ATG7: variants seen among roughly 807,000 people sequenced by gnomAD.
ATG7 encodes the protein autophagy related 7.
A neutral mutation model predicts 82.4 loss-of-function variants in ATG7; 70 were observed. That is an observed-to-expected ratio of 0.85 (90% CI 0.70 to 1.04). The LOEUF (loss-of-function observed/expected upper bound fraction) is 1.04, where lower values mean the gene tolerates loss of function less well. Ranked by LOEUF, ATG7 falls within the 50% of genes least tolerant of loss-of-function variation. ATG7 has a pLI of 0.00. For missense variants in ATG7, 792 were observed against 864.3 expected, an observed-to-expected ratio of 0.92 and a Z score of 1.05; for synonymous variants, 287 against 313.0, an observed-to-expected ratio of 0.92 and a Z score of 0.88.
In ATG7 at chr3:11,308,972, T is replaced by A; in HGVS notation, c.334-12T>A. Reference sequence around the variant, plus strand: ...CTGGTAACCTGCCTTGATGCTTTTCTTCTTCTTGCAGATATGGGAATCCAT... The same window carrying A: ...CTGGTAACCTGCCTTGATGCTTTTCATCTTCTTGCAGATATGGGAATCCAT... On this transcript the variant is annotated splice_polypyrimidine_tract_variant and intron_variant, in intron 6 of 20. Coordinates refer to ENST00000693202, the MANE Select transcript of ATG7 (RefSeq NM_001349232.2). 1.2e-6 allele frequency: 2 copies of A among 1,611,674 alleles called. No homozygotes were observed. Among genetic ancestry groups the A allele is most frequent in the Non-Finnish European group, 1.7e-6 (2 of 1,177,722 alleles).
chr3:11,383,832 A>C (rs528694179), intron 19 of ATG7, among the ~76,000 whole-genome samples: 190 of 152,374 alleles, frequency 1.2e-3, no homozygotes, highest in African/African-American at 4.4e-3. Context: ...ACTACTACAG[A>C]AAATAAACCT....
chr3:11,348,137 C>T, intron 14 of ATG7, 102 bp downstream of exon 14: 1 of 1,439,920 alleles, frequency 6.9e-7, no homozygotes, highest in Non-Finnish European at 9.4e-7. Flanking sequence ...AGATATCTGT[C>T]ACTTTCTACC....
chr3:11,457,707 G>A (rs578039392), intron 20 of ATG7, among the ~76,000 whole-genome samples: 5 of 152,104 alleles, frequency 3.3e-5, no homozygotes, highest in African/African-American at 4.8e-5. Flanking sequence ...TGTGCCCCTC[G>A]CTTATGGGTG....
At chr3:11,378,432 C>T (rs949354312) in intron 18 of ATG7, among the ~76,000 whole-genome samples, 1 of 151,036 alleles carries the variant, frequency 6.6e-6, no homozygotes, top group Non-Finnish European at 1.5e-5. Flanking sequence ...CCCGTAACCC[C>T]AGCACTTTGG....
At chr3:11,472,163 A>T (rs1298789579) in intron 20 of ATG7, among the ~76,000 whole-genome samples, 2 of 152,204 alleles carry the variant, frequency 1.3e-5, no homozygotes, top group Non-Finnish European at 2.9e-5. Flanking sequence ...AACCTGAAAA[A>T]TTCATGGAGA....
intron 20 of ATG7, among the ~76,000 whole-genome samples, chr3:11,554,560 G>A (rs933051517): frequency 1.8e-4 from 28 of 152,208 alleles, no homozygotes; most frequent in Non-Finnish European, 2.9e-5. Flanking sequence ...CAGGAGGTGA[G>A]CAGAGGCACA....
chr3:11,485,230 G>T (rs1664997556), intron 20 of ATG7, among the ~76,000 whole-genome samples: 1 of 152,160 alleles, frequency 6.6e-6, no homozygotes, highest in Non-Finnish European at 1.5e-5. Flanking sequence ...TTTAATGATT[G>T]CCATTCTAAC....
chr3:11,280,191 C>T (rs993719101), intron 1 of ATG7, among the ~76,000 whole-genome samples: 14 of 152,176 alleles, frequency 9.2e-5, no homozygotes, highest in Non-Finnish European at 1.5e-4. Context: ...GGATTACAGG[C>T]GCCTGCCACC....
intron 20 of ATG7, among the ~76,000 whole-genome samples, chr3:11,430,340 C>T (rs1016727025): frequency 6.6e-6 from 1 of 151,968 alleles, no homozygotes; most frequent in East Asian, 1.9e-4. Context: ...TATATATATA[C>T]CTTTACGTAT....
At chr3:11,306,750 T>G (rs1268384836) in intron 5 of ATG7, among the ~76,000 whole-genome samples, 193 bp from the exon 6 acceptor site, 1 of 152,082 alleles carries the variant, frequency 6.6e-6, no homozygotes, top group Non-Finnish European at 1.5e-5. Flanking sequence ...TATATAGGCT[T>G]TTAGGGGGGA....
chr3:11,355,164 A>G (rs2075848557), intron 14 of ATG7, among the ~76,000 whole-genome samples: 1 of 152,238 alleles, frequency 6.6e-6, no homozygotes, highest in South Asian at 2.1e-4. Flanking sequence ...ACACACTACC[A>G]GAGAGCTATG....
At chr3:11,436,476 C>A (rs977355740) in intron 20 of ATG7, among the ~76,000 whole-genome samples, 1 of 152,118 alleles carries the variant, frequency 6.6e-6, no homozygotes, top group Non-Finnish European at 1.5e-5. Flanking sequence ...GATATATACC[C>A]AAGGCTACTC....
intron 3 of ATG7, among the ~76,000 whole-genome samples, chr3:11,294,378 AC>A (rs1246400489): frequency 7.8e-6 from 1 of 127,718 alleles, no homozygotes; most frequent in Admixed American, 7.8e-5. Flanking sequence ...ACTCCACTAC[AC>A]CCGGCTAATT....
At chr3:11,435,946 A>G (rs1457179125) in intron 20 of ATG7, among the ~76,000 whole-genome samples, 8 of 152,142 alleles carry the variant, frequency 5.3e-5, no homozygotes, top group Non-Finnish European at 1.2e-4. Flanking sequence ...ATATAGAGGG[A>G]ACTCTAAGCT....
At chr3:11,397,152 A>G (rs1298672719) in intron 19 of ATG7, among the ~76,000 whole-genome samples, 2 of 152,192 alleles carry the variant, frequency 1.3e-5, no homozygotes, top group Admixed American at 6.5e-5. Flanking sequence ...AGATTTTTAA[A>G]TTTATATGCA....
At chr3:11,446,306 A>T (rs892190687) in intron 20 of ATG7, among the ~76,000 whole-genome samples, 1 of 152,026 alleles carries the variant, frequency 6.6e-6, no homozygotes, top group Non-Finnish European at 1.5e-5. Flanking sequence ...CGATAGAATA[A>T]GTCTTTAACA....
chr3:11,369,400 C>T (rs971121320), intron 18 of ATG7, among the ~76,000 whole-genome samples: 1 of 150,924 alleles, frequency 6.6e-6, no homozygotes, highest in African/African-American at 2.4e-5. Context: ...TCGTTTGTGA[C>T]CTGTTCATCT....
chr3:11,451,065 A>G (rs1301325805), intron 20 of ATG7, among the ~76,000 whole-genome samples: 1 of 152,200 alleles, frequency 6.6e-6, no homozygotes, highest in Admixed American at 6.5e-5. Context: ...CAGGACAAAT[A>G]TTTATTTGAC....
At chr3:11,464,182 G>A (rs1298588119) in intron 20 of ATG7, among the ~76,000 whole-genome samples, 1 of 151,930 alleles carries the variant, frequency 6.6e-6, no homozygotes, top group Non-Finnish European at 1.5e-5. Flanking sequence ...GACTAGCCTG[G>A]GCAACATGGT....
Sources: gnomAD v4.1 joint callset for allele counts (sites outside exome capture counted in the v4.1 genomes callset) on GRCh38, gnomAD v4.1.1 for gene constraint, MANE v1.5 for transcripts, NCBI Gene and HGNC (gene_info 2026-07-23, HGNC 2026-07-21) for gene names.